NPRL3: variants seen among roughly 807,000 people sequenced by gnomAD.
NPRL3 encodes GATOR1 complex protein NPRL3.
In NPRL3, 23 loss-of-function variants were observed where a neutral mutation model predicts 57.2. The observed-to-expected ratio is 0.40, with a 90% CI of 0.29 to 0.57. NPRL3 has a LOEUF of 0.57. Among genes scored for constraint, NPRL3 ranks in the 20% least tolerant of loss-of-function variants. The probability of loss-of-function intolerance (pLI) is 0.42; values close to 1 mark genes in which losing one functional copy is unlikely to be tolerated. For synonymous variants in NPRL3, 333 were observed against 321.1 expected (o/e 1.04, Z -0.39); for missense variants, 691 against 767.1 (o/e 0.90, Z 1.17).
chr16:89,580 C>G (rs534621668), intron 12 of NPRL3, 133 bp downstream of exon 12: 1 of 822,934 alleles, frequency 1.2e-6, no homozygotes, highest in East Asian at 3.2e-5. Context: ...ACGGGGGACA[C>G]GAGGCACGTG....
intron 3 of NPRL3, among the ~76,000 whole-genome samples, chr16:127,991 CTTCTT>C (rs1900618213): frequency 8.8e-6 from 1 of 113,346 alleles, no homozygotes; most frequent in Non-Finnish European, 1.8e-5. Flanking sequence ...TTTCCATCTT[CTTCTT>C]TTTTTTTTTT....
chr16:109,368 T>C lies in NPRL3; in HGVS notation c.629+1157A>G, dbSNP rs565399648. Among the ~76,000 whole-genome samples the C allele has an allele frequency of 7.9e-5, 12 of 152,140 alleles. No individual in the cohort carries two copies. The South Asian group carries it at 2.3e-3, about 29-fold the overall frequency. On this transcript the variant is annotated intron_variant, in intron 7 of 13. Coordinates refer to ENST00000611875, the MANE Select transcript of NPRL3 (RefSeq NM_001077350.3). ...AGGCTTGCTGCCCTCACACAGTCAG[T>C]GTCGCAAACCCCAACTCTCTCAGAC...
At chr16:113,440 A>C (rs577336686) in intron 5 of NPRL3, among the ~76,000 whole-genome samples, 1 of 152,232 alleles carries the variant, frequency 6.6e-6, no homozygotes, top group East Asian at 1.9e-4. Flanking sequence ...TTCTGCAACC[A>C]TGATGACTGG....
intron 5 of NPRL3, 144 bp from the exon 6 acceptor site, chr16:112,919 G>A: frequency 2.6e-6 from 2 of 760,000 alleles, no homozygotes; most frequent in South Asian, 3.0e-5. Context: ...AGGCTCCTTT[G>A]CAGAGGCCAC....
At chr16:112,096 G>C (rs531140057) in intron 6 of NPRL3, among the ~76,000 whole-genome samples, 16 of 152,334 alleles carry the variant, frequency 1.1e-4, no homozygotes, top group African/African-American at 3.6e-4. Flanking sequence ...CACCTCACCA[G>C]CTGGATATTT....
At chr16:120,095 T>C (rs983350401) in intron 3 of NPRL3, among the ~76,000 whole-genome samples, 3 of 152,170 alleles carry the variant, frequency 2.0e-5, no homozygotes, top group Non-Finnish European at 4.4e-5. Flanking sequence ...CTGACTCTTA[T>C]CTCAGAGTCC....
chr16:98,248 A>G lies in NPRL3; in HGVS notation c.821T>C (p.Leu274Pro). 6.2e-7 allele frequency: 1 copy of G among 1,613,986 alleles called. No individual in the cohort carries two copies. The highest frequency in any genetic ancestry group is 8.5e-7 in the Non-Finnish European group (1 of 1,179,874). ...TAGGGCAGGGGAGCAGTCAATAGGA[A>G]GCTCACCCAGCAAGGACTTCTCATC... Reference protein sequence around the residue: ...LSDEKSLLGELPIDCSPALVR... With the variant: ...LSDEKSLLGEPPIDCSPALVR... The change falls in exon 9 of 14, where the codon CTT (leucine) becomes CCT (proline). Residue 274 changes from leucine (L) to proline (P), a missense_variant. Leu to Pro is a moderately conservative substitution (Grantham distance 98). Coordinates refer to ENST00000611875, the MANE Select transcript of NPRL3 (RefSeq NM_001077350.3).
chr16:128,485 C>T (rs1280813411), intron 3 of NPRL3, among the ~76,000 whole-genome samples: 5 of 151,964 alleles, frequency 3.3e-5, no homozygotes, highest in Non-Finnish European at 5.9e-5. Context: ...GTCAAAGACA[C>T]GGGCCGGGCG....
intron 13 of NPRL3, 111 bp from the exon 14 acceptor site, chr16:86,981 C>T (rs1161753054): frequency 1.8e-5 from 21 of 1,172,312 alleles, no homozygotes; most frequent in Non-Finnish European, 2.5e-5. Flanking sequence ...CTGAACAGAG[C>T]TGGTGGTGAA....
At chr16:94,708 T>G (rs2141912350) in intron 9 of NPRL3, among the ~76,000 whole-genome samples, 1 of 152,274 alleles carries the variant, frequency 6.6e-6, no homozygotes, top group East Asian at 1.9e-4. Flanking sequence ...GCCAAGATTG[T>G]GCGAGTAGTG....
At chr16:132,668 CTTTTTTT>C (rs869062857) in intron 2 of NPRL3, among the ~76,000 whole-genome samples, 1 of 120,288 alleles carries the variant, frequency 8.3e-6, no homozygotes, top group Admixed American at 7.9e-5. Flanking sequence ...AATTGTATTT[CTTTTTTT>C]TTTTTTTTTT....
At chr16:113,282 G>A (rs1270337673) in intron 5 of NPRL3, among the ~76,000 whole-genome samples, 2 of 152,190 alleles carry the variant, frequency 1.3e-5, no homozygotes, top group African/African-American at 2.4e-5. Flanking sequence ...TTACTACAGG[G>A]ATGCACGGTA....
At position 86,702 on chromosome 16, in the gene NPRL3, G is replaced by A. The variant is rs761104878; in HGVS notation, c.*3C>T. On this transcript the variant is annotated 3_prime_UTR_variant, in exon 14 of 14. Transcript: ENST00000611875. ...CCAGCAGCCTTCCGCCCTCCGCCTG[G>A]GCTCAGGGGAGCAGAGCCTGGAAGA... 1.3e-6 allele frequency: 2 copies of A among 1,549,504 alleles called. No individual in the cohort carries two copies. The highest frequency in any genetic ancestry group is 4.9e-5 in the East Asian group (2 of 40,906).
chr16:114,772 T>C (rs1452256191), intron 5 of NPRL3, among the ~76,000 whole-genome samples: 3 of 152,016 alleles, frequency 2.0e-5, no homozygotes, highest in Non-Finnish European at 4.4e-5. Context: ...TGGCCGAAAA[T>C]TAAGTGCCCA....
chr16:126,736 G>A (rs1900537931), intron 3 of NPRL3, among the ~76,000 whole-genome samples: 1 of 152,028 alleles, frequency 6.6e-6, no homozygotes, highest in African/African-American at 2.4e-5. Flanking sequence ...TAATACCCAG[G>A]GAACACTACA....
intron 2 of NPRL3, 119 bp downstream of exon 2, chr16:138,028 TACA>T: frequency 1.4e-6 from 1 of 691,684 alleles, no homozygotes; most frequent in Non-Finnish European, 2.5e-6. Flanking sequence ...TCAAATACTC[TACA>T]ACGAGCAGAT....
At chr16:112,819 G>GACAC in intron 5 of NPRL3, 44 bp from the exon 6 acceptor site, 1 of 1,491,354 alleles carries the variant, frequency 6.7e-7, no homozygotes, top group Non-Finnish European at 9.0e-7. Flanking sequence ...TGTGCACAGG[G>GACAC]ACACAGCTGG....
At chr16:95,225 A>AT (rs1410992529) in intron 9 of NPRL3, among the ~76,000 whole-genome samples, 1 of 151,816 alleles carries the variant, frequency 6.6e-6, no homozygotes, top group Non-Finnish European at 1.5e-5. Context: ...GATTTTGGGG[A>AT]TTAGGATGTG....
intron 3 of NPRL3, 175 bp from the exon 4 acceptor site, chr16:119,430 T>C: frequency 1.6e-6 from 1 of 631,078 alleles, no homozygotes; most frequent in Non-Finnish European, 2.8e-6. Context: ...CCAGAGGTTA[T>C]GGATGTAAGA....
Sources: gnomAD v4.1 joint callset for allele counts (sites outside exome capture counted in the v4.1 genomes callset) on GRCh38, gnomAD v4.1.1 for gene constraint, MANE v1.5 for transcripts, NCBI Gene and HGNC (gene_info 2026-07-23, HGNC 2026-07-21) for gene names.